Variants in PIF1 observed in about 807,000 individuals in gnomAD.
The protein encoded by PIF1 is ATP-dependent DNA helicase PIF1.
PIF1 carries 67 observed loss-of-function variants against 62.3 expected under a neutral mutation model. The ratio of observed to expected loss-of-function variants is 1.08; its 90% CI spans 0.88 to 1.32. PIF1 has a LOEUF of 1.32. PIF1 is among the 40% of genes most tolerant of loss of function. The pLI is 0.00. For synonymous variants in PIF1, 364 were observed against 379.5 expected, an observed-to-expected ratio of 0.96 and a Z score of 0.47; for missense variants, 886 against 866.1, an observed-to-expected ratio of 1.02 and a Z score of -0.29.
At position 64,824,313 on chromosome 15, in the gene PIF1, G is replaced by T; in HGVS notation, c.23C>A (p.Ala8Glu). The T allele has an allele frequency of 1.6e-6, 2 of 1,257,866 alleles. No homozygotes were observed. The highest frequency in any genetic ancestry group is 2.0e-6 in the Non-Finnish European group (2 of 999,950). The allele number at this position is 1,257,866 out of a possible 1,614,324, so 77.9% of individuals were successfully genotyped here. ...CTCCGAGTCCTCATATTCCCCTGCC[G>T]CCGCCTCTATGCCCGAGAGCATCGT... MLSGIEA[A>E]AGEYEDSELR... The change falls in exon 2 of 13, where the codon GCG becomes GAG. Residue 8 changes from alanine (A) to glutamate (E), a missense_variant. By Grantham distance (107) the Ala-to-Glu change is moderately radical (BLOSUM62 -1). Coordinates refer to ENST00000559239, the MANE Select transcript of PIF1 (RefSeq NM_001286496.2).
Position 64,823,789 on chromosome 15 carries a change from C to T in PIF1, c.547G>A (p.Glu183Lys), listed in dbSNP as rs770450355. The change falls in exon 2 of 13, where the codon GAG becomes AAG. Residue 183 changes from glutamate (E) to lysine (K), a missense_variant. Transcript: ENST00000559239. The stretch of plus-strand genomic sequence containing the variant: ...TTTCCCGTCCTCACTGTGCTAGGCT[C>T]GGCCCCAGCCTGGGGCTCCACAGGC... ...KRPVEPQAGA[E>K]PSTEAPRWPL... is the part of the protein sequence containing the mutation. 1.4e-5 allele frequency: 19 copies of T among 1,336,216 alleles called. No individual in the cohort carries two copies. Among genetic ancestry groups the T allele is most frequent in the Admixed American group, 6.1e-5 (2 of 32,762 alleles). 82.8% of individuals were successfully genotyped at this position (1,336,216 alleles called of 1,614,324 possible).
chr15:64,819,710 G>C, intron 8 of PIF1, 137 bp downstream of exon 8: 1 of 1,163,880 alleles, frequency 8.6e-7, no homozygotes, highest in Non-Finnish European at 1.2e-6. Context: ...CAAAGTCACA[G>C]TTGCATTTGC....
At position 64,823,977 on chromosome 15, in the gene PIF1, AAT is replaced by A. The variant is rs2084327236; in HGVS notation, c.357_358del (p.Leu120AlafsTer65). The A allele has an allele frequency of 7.7e-7, 1 of 1,300,814 alleles. No individual in the cohort carries two copies. Among genetic ancestry groups the A allele is most frequent in the East Asian group, 3.1e-5 (1 of 32,098 alleles). 80.6% of individuals were successfully genotyped at this position (1,300,814 alleles called of 1,614,324 possible). On this transcript the variant is annotated frameshift_variant, in exon 2 of 13. Transcript: ENST00000559239. LOFTEE classifies it high-confidence loss of function. ...CGGGGCCGCAGCCAGCTTGAGGCGCAATGTGCGCAGGAAGCGGCGCAGGCGGT... is the reference window on the plus strand; with the variant it reads ...CGGGGCCGCAGCCAGCTTGAGGCGCAGTGCGCAGGAAGCGGCGCAGGCGGT...
At chr15:64,821,561 C>A in intron 4 of PIF1, 41 bp from the exon 5 acceptor site, 1 of 1,351,220 alleles carries the variant, frequency 7.4e-7, no homozygotes, top group Non-Finnish European at 9.7e-7. Context: ...TACCCAAAGC[C>A]TCTCTTTTTT....
rs1034885240 is a variant in PIF1, at chr15:64,823,810, C to T, written c.526G>A (p.Val176Met). ...VPDTTLVKRP[V>M]EPQAGAEPST... ...GGCTCGGCCCCAGCCTGGGGCTCCA[C>T]AGGCCGCTTCACCAGCGTAGTGTCC... is the stretch of plus-strand genomic sequence containing the variant. The change falls in exon 2 of 13, where the codon GTG becomes ATG. Residue 176 changes from valine to methionine, a missense_variant. Val to Met is a conservative substitution (Grantham distance 21). Transcript: ENST00000559239. 5.8e-5 allele frequency: 79 copies of T among 1,351,234 alleles called. No homozygotes were observed. Among genetic ancestry groups the T allele is most frequent in the Non-Finnish European group, 7.6e-5 (79 of 1,041,738 alleles). 83.7% of individuals were successfully genotyped at this position (1,351,234 alleles called of 1,614,324 possible).
chr15:64,826,651 T>TATATAC (rs2084372024), upstream of PIF1, among the ~76,000 whole-genome samples: 1 of 32,588 alleles, frequency 3.1e-5, no homozygotes, highest in Non-Finnish European at 7.0e-5. Context: ...TATATATATA[T>TATATAC]ATATATATAT....
In PIF1 at chr15:64,824,992, T is replaced by TAC. The variant is rs199650820; in HGVS notation, c.-20+576_-20+577insGT. Among the ~76,000 whole-genome samples, 324 of 136,714 alleles carry TAC rather than the reference T, an allele frequency of 2.4e-3. 4 individuals carry two copies. The highest frequency in any genetic ancestry group is 0.022 in the East Asian group (69 of 3,202). The allele number at this position is 136,714 out of a possible 152,430, so 89.7% of individuals were successfully genotyped here. A position where few individuals can be genotyped will look rare whatever the true frequency, so the allele number is the denominator to read the frequency against. The stretch of plus-strand genomic sequence containing the variant: ...ACACACAATATATATACAATTTCTA[T>TAC]ATATATACACACACACACACACACA... On this transcript the variant is annotated intron_variant, in intron 1 of 12. Coordinates refer to ENST00000559239, the MANE Select transcript of PIF1 (RefSeq NM_001286496.2).
chr15:64,817,454 A>T (rs2084203456), intron 11 of PIF1, among the ~76,000 whole-genome samples: 1 of 151,868 alleles, frequency 6.6e-6, no homozygotes, highest in African/African-American at 2.4e-5. Flanking sequence ...CTGAGGCAGG[A>T]GAATGGTGTG....
At chr15:64,826,700 A>C (rs2084376198), upstream of PIF1, among the ~76,000 whole-genome samples, 1 of 140,238 alleles carries the variant, frequency 7.1e-6, no homozygotes. Flanking sequence ...ACACATATAT[A>C]TACACACACA....
In PIF1 at chr15:64,817,930, C is replaced by G; in HGVS notation, c.1674+16G>C. ...CCTCTGCCCTCCCTGTCCCTGCCCCCCACACCGGTGCTCACTTGGCTCTTG... is the reference window on the plus strand; with the variant it reads ...CCTCTGCCCTCCCTGTCCCTGCCCCGCACACCGGTGCTCACTTGGCTCTTG... On this transcript the variant is annotated intron_variant, in intron 11 of 12. Transcript: ENST00000559239. 1 of 1,603,614 alleles carries G rather than the reference C, an allele frequency of 6.2e-7. No individual in the cohort carries two copies. The highest frequency in any genetic ancestry group is 8.5e-7 in the Non-Finnish European group (1 of 1,175,186).
intron 7 of PIF1, 88 bp downstream of exon 7, chr15:64,820,894 C>G (rs900580180): frequency 5.6e-5 from 67 of 1,198,692 alleles, no homozygotes; most frequent in Admixed American, 1.5e-4. Context: ...AACAATTCTA[C>G]CCCTTCTGTG....
chr15:64,826,039 T>G (rs535076298), upstream of PIF1, among the ~76,000 whole-genome samples: 1 of 152,172 alleles, frequency 6.6e-6, no homozygotes, highest in Non-Finnish European at 1.5e-5. Context: ...CTTTGGACTC[T>G]CACACCCCTG....
chr15:64,818,528 A>G, intron 9 of PIF1, 184 bp from the exon 10 acceptor site: 1 of 590,556 alleles, frequency 1.7e-6, no homozygotes, highest in South Asian at 2.0e-5. Flanking sequence ...CTCGGTCCCA[A>G]TTTTTCTTTA....
At chr15:64,820,044 C>T in intron 7 of PIF1, 58 bp from the exon 8 acceptor site, 1 of 1,580,872 alleles carries the variant, frequency 6.3e-7, no homozygotes. Context: ...AGGTGGGGAA[C>T]ATGGGCAGGA....
In PIF1 at chr15:64,816,687, C is replaced by G; in HGVS notation, c.1753G>C (p.Ala585Pro). The G allele has an allele frequency of 4.3e-6, 7 of 1,613,640 alleles. No individual in the cohort carries two copies. Among genetic ancestry groups the G allele is most frequent in the Non-Finnish European group, 5.9e-6 (7 of 1,179,940 alleles). Reference sequence around the variant, plus strand: ...ACACGTAGGCCCTGCAGGCTGCGGGCCCGAGAAAGGGCCACATAGGCCTGG... The same window carrying G: ...ACACGTAGGCCCTGCAGGCTGCGGGGCCGAGAAAGGGCCACATAGGCCTGG... ...SGQAYVALSR[A>P]RSLQGLRVLD... The change falls in exon 12 of 13, where the codon GCC becomes CCC. Residue 585 changes from alanine to proline, a missense_variant. Ala to Pro is a conservative substitution (Grantham distance 27). Transcript: ENST00000559239.
At position 64,819,786 on chromosome 15, in the gene PIF1, G is replaced by A. The variant is rs1487370712; in HGVS notation, c.1333+61C>T. On this transcript the variant is annotated intron_variant, in intron 8 of 12. Transcript: ENST00000559239. Reference sequence around the variant, plus strand: ...GGACCCAGAGGCCCAGGTTGCCTGGGGGCTACATCTGCTTATAACTCTTCC... The same window carrying A: ...GGACCCAGAGGCCCAGGTTGCCTGGAGGCTACATCTGCTTATAACTCTTCC... 3 of 1,601,772 alleles carry A rather than the reference G, an allele frequency of 1.9e-6. No individual in the cohort carries two copies. In the Admixed American group the frequency reaches 5.0e-5, roughly 27 times the overall value.
intron 8 of PIF1, 82 bp downstream of exon 8, chr15:64,819,765 C>T (rs2084256985): frequency 1.0e-5 from 16 of 1,584,352 alleles, no homozygotes; most frequent in Non-Finnish European, 1.4e-5. Context: ...GGCCTAGGAC[C>T]CAGAGGCCCA....
chr15:64,824,877 G>GTATATATATATA (rs1239276678), intron 1 of PIF1, among the ~76,000 whole-genome samples: 4 of 144,352 alleles, frequency 2.8e-5, no homozygotes, highest in Non-Finnish European at 5.9e-5. Context: ...ATGTGTGTGT[G>GTATATATATATA]TGTGTGTATA....
chr15:64,826,779 C>T (rs116837511), upstream of PIF1, among the ~76,000 whole-genome samples: 1,216 of 146,302 alleles, frequency 8.3e-3, 21 homozygotes, highest in African/African-American at 0.029. Flanking sequence ...TTCGTATAGA[C>T]GGGATGTCAC....
Sources: gnomAD v4.1 joint callset for allele counts (sites outside exome capture counted in the v4.1 genomes callset) on GRCh38, gnomAD v4.1.1 for gene constraint, MANE v1.5 for transcripts, NCBI Gene and HGNC (gene_info 2026-07-23, HGNC 2026-07-21) for gene names.